Variants in CCND3 observed in about 807,000 individuals in gnomAD.
CCND3 encodes the protein G1/S-specific cyclin-D3.
Under a neutral mutation model 28.7 loss-of-function variants are expected in CCND3, and 9 were observed. The ratio of observed to expected loss-of-function variants is 0.31; its 90% confidence interval spans 0.19 to 0.55. The LOEUF (loss-of-function observed/expected upper bound fraction) is 0.55, where lower values mean the gene tolerates loss of function less well. Ranked by LOEUF, CCND3 falls within the 20% of genes least tolerant of loss-of-function variation. CCND3 has a pLI of 0.93. For missense variants in CCND3, 315 were observed against 385.8 expected (o/e 0.82, Z 1.54); for synonymous variants, 164 against 163.9 (o/e 1.00, Z 0.00).
At chr6:41,984,699 T>C (rs1762439450) in intron 1 of CCND3, among the ~76,000 whole-genome samples, 2 of 152,206 alleles carry the variant, frequency 1.3e-5, no homozygotes, top group Non-Finnish European at 1.5e-5. Flanking sequence ...TCCTTTATAG[T>C]AGCTATACTA....
At chr6:41,959,050 C>T (rs1761622931) in intron 1 of CCND3, among the ~76,000 whole-genome samples, 1 of 152,126 alleles carries the variant, frequency 6.6e-6, no homozygotes, top group Non-Finnish European at 1.5e-5. Flanking sequence ...CACGGTGGCT[C>T]ACGCCTGTAA....
intron 1 of CCND3, among the ~76,000 whole-genome samples, chr6:41,963,471 G>A (rs1761775322): frequency 6.6e-6 from 1 of 152,208 alleles, no homozygotes; most frequent in Non-Finnish European, 1.5e-5. Flanking sequence ...GAAGCTGCCT[G>A]AAGAGTACAC....
intron 1 of CCND3, among the ~76,000 whole-genome samples, chr6:42,043,556 G>A (rs780163162): frequency 2.0e-5 from 3 of 151,724 alleles, no homozygotes; most frequent in Non-Finnish European, 4.4e-5. Flanking sequence ...AATTAGCTGA[G>A]CATGGTGGCG....
rs772818142 is a variant in CCND3, at chr6:41,959,679, T to TCCGTCTCAAAAAAAAAAA, written c.-45-19095_-45-19094insTTTTTTTTTTTGAGACGG. 8.8e-5 allele frequency among the ~76,000 whole-genome samples: 13 copies of TCCGTCTCAAAAAAAAAAA among 147,212 alleles called. 1 individual carries two copies. The highest frequency in any genetic ancestry group is 4.1e-4 in the East Asian group (2 of 4,906). On this transcript the variant is annotated intron_variant, in intron 1 of 4. Coordinates refer to the CCND3 transcript ENST00000372988. ...CTCCAGCCTGGCGACACAGCAAGAC[T>TCCGTCTCAAAAAAAAAAA]AAATCAGGCCAGGCGCGGTGGCTCA...
intron 1 of CCND3, among the ~76,000 whole-genome samples, chr6:42,009,568 C>T (rs1019481351): frequency 3.9e-5 from 6 of 151,990 alleles, no homozygotes; most frequent in Admixed American, 1.3e-4. Context: ...GCCAAGATTG[C>T]GCCATTCCAC....
At chr6:41,981,987 T>A (rs1384257998) in intron 1 of CCND3, among the ~76,000 whole-genome samples, 1 of 150,774 alleles carries the variant, frequency 6.6e-6, no homozygotes. Context: ...AAGTCAATCA[T>A]GGCCGGGCAC....
intron 1 of CCND3, among the ~76,000 whole-genome samples, chr6:42,044,516 C>T (rs768317294): frequency 5.3e-5 from 8 of 152,278 alleles, no homozygotes; most frequent in Admixed American, 2.0e-4. Flanking sequence ...GCTTTGAGGT[C>T]GTCTTGCTGG....
intron 1 of CCND3, 44 bp from the exon 2 acceptor site, chr6:41,940,629 A>T: frequency 7.1e-7 from 1 of 1,404,562 alleles, no homozygotes; most frequent in Non-Finnish European, 1.0e-6. Flanking sequence ...GAGCGTGGGG[A>T]ACACAGCAGC....
At chr6:41,963,588 C>T (rs1187853665) in intron 1 of CCND3, among the ~76,000 whole-genome samples, 1 of 152,224 alleles carries the variant, frequency 6.6e-6, no homozygotes, top group Non-Finnish European at 1.5e-5. Flanking sequence ...GCCATGCTGT[C>T]CTTGACACAG....
At position 41,941,776 on chromosome 6, in the gene CCND3, C is replaced by G; in HGVS notation, c.-127G>C. 2.5e-6 allele frequency: 1 copy of G among 406,268 alleles called. No individual in the cohort carries two copies. The allele number at this position is 406,268 out of a possible 1,614,324, so 25.2% of individuals were successfully genotyped here. The stretch of plus-strand genomic sequence containing the variant: ...ACTGCGCGGCGGATCCCCAGCCCGC[C>G]CGCCGCCCGCGCGCGCGCGCCGCTT... On this transcript the variant is annotated 5_prime_UTR_variant, in exon 1 of 5. Transcript: ENST00000372991. This position sits in a 1 kb window ranked among gnomAD's most constrained non-coding sequence, Gnocchi z 6.1.
At chr6:41,948,071 C>T (rs903198201) in intron 1 of CCND3, among the ~76,000 whole-genome samples, 3 of 152,104 alleles carry the variant, frequency 2.0e-5, no homozygotes, top group African/African-American at 7.2e-5. Context: ...CCACATGGCC[C>T]ACTCCCTCAC....
At chr6:42,022,434 G>A (rs1763740241) in intron 1 of CCND3, among the ~76,000 whole-genome samples, 1 of 152,204 alleles carries the variant, frequency 6.6e-6, no homozygotes. Context: ...AAGAATAAAT[G>A]GAAAATAAAA....
intron 1 of CCND3, among the ~76,000 whole-genome samples, chr6:41,988,130 A>C (rs1762540687): frequency 6.6e-6 from 1 of 151,874 alleles, no homozygotes; most frequent in Non-Finnish European, 1.5e-5. Context: ...AACCTGACCA[A>C]CATGGAGAAA....
chr6:41,946,595 CAAAAAA>C (rs35369019), upstream of CCND3, among the ~76,000 whole-genome samples: 10 of 20,930 alleles, frequency 4.8e-4, no homozygotes, highest in African/African-American at 7.3e-4. Flanking sequence ...AGACCTGTCT[CAAAAAA>C]AAAAAAAAAA....
chr6:42,015,356 T>C (rs1763469278), intron 1 of CCND3, among the ~76,000 whole-genome samples: 1 of 152,104 alleles, frequency 6.6e-6, no homozygotes, highest in Non-Finnish European at 1.5e-5. Context: ...TGACAAGTGC[T>C]TGATATACAT....
intron 1 of CCND3, among the ~76,000 whole-genome samples, chr6:41,988,111 T>C (rs558336469): frequency 2.6e-5 from 4 of 151,704 alleles, no homozygotes; most frequent in Non-Finnish European, 5.9e-5. Flanking sequence ...AGGTCAGGAG[T>C]TCGAGACCAA....
chr6:42,034,241 G>A (rs1346001299), intron 1 of CCND3, among the ~76,000 whole-genome samples: 17 of 148,774 alleles, frequency 1.1e-4, no homozygotes, highest in East Asian at 1.0e-3. Context: ...TCTGCTTCCT[G>A]GGTTCAAGCA....
chr6:41,940,756 G>GC (rs1775977953), intron 1 of CCND3, 171 bp from the exon 2 acceptor site: 4 of 755,054 alleles, frequency 5.3e-6, no homozygotes, highest in Non-Finnish European at 9.3e-6. Flanking sequence ...CCAAGGTGAC[G>GC]CCCCCCACTT....
chr6:41,966,994 A>G (rs1582115703), intron 1 of CCND3, among the ~76,000 whole-genome samples: 1 of 152,344 alleles, frequency 6.6e-6, no homozygotes, highest in East Asian at 1.9e-4. Context: ...ATAGTTATAT[A>G]GCATGCTTTG....
Sources: allele counts gnomAD v4.1 joint callset (sites outside exome capture counted in the v4.1 genomes callset), GRCh38; gene constraint gnomAD v4.1.1; non-coding constraint Gnocchi (gnomAD v3.1); transcripts MANE v1.5; gene names NCBI Gene and HGNC (gene_info 2026-07-23, HGNC 2026-07-21).